The following DSCAM variants were observed in gnomAD, a reference collection of about 807,000 sequenced individuals.
DSCAM encodes the protein cell adhesion molecule DSCAM.
DSCAM carries 47 observed loss-of-function variants against 217.7 expected under a neutral mutation model. The ratio of observed to expected loss-of-function variants is 0.22; its 90% CI spans 0.17 to 0.28. The LOEUF is 0.28. Among genes scored for constraint, DSCAM ranks in the 10% least tolerant of loss-of-function variants. The pLI is 1.00. For synonymous variants in DSCAM, 1,056 were observed against 1,015.3 expected (o/e 1.04, Z -0.76); for missense variants, 2,080 against 2,618.3 (o/e 0.79, Z 4.49).
At chr21:40,321,864 C>A (rs962812509) in intron 8 of DSCAM, among the ~76,000 whole-genome samples, 1 of 152,104 alleles carries the variant, frequency 6.6e-6, no homozygotes, top group African/African-American at 2.4e-5. Flanking sequence ...CCACCTCTGT[C>A]CCCACACCCT....
intron 15 of DSCAM, among the ~76,000 whole-genome samples, chr21:40,170,930 C>T (rs887051074): frequency 6.6e-6 from 1 of 152,094 alleles, no homozygotes; most frequent in Non-Finnish European, 1.5e-5. Context: ...AGAGTTGCAA[C>T]CTTGATTTTC....
intron 1 of DSCAM, among the ~76,000 whole-genome samples, chr21:40,802,153 G>A (rs930238472): frequency 6.6e-6 from 1 of 152,034 alleles, no homozygotes; most frequent in African/African-American, 2.4e-5. Flanking sequence ...GGCCTTGGGG[G>A]CCCAACTCCC....
In DSCAM at chr21:40,298,809, C is replaced by G. The variant is rs565562255; in HGVS notation, c.2063-2635G>C. Reference sequence around the variant, plus strand: ...CAGGGTAGAAAATCTCTTGCATTCCCTCTGGAAGCATGTCTAATCATAATT... The same window carrying G: ...CAGGGTAGAAAATCTCTTGCATTCCGTCTGGAAGCATGTCTAATCATAATT... On this transcript the variant is annotated intron_variant, in intron 9 of 32. Transcript: ENST00000400454. 2.3e-4 allele frequency among the ~76,000 whole-genome samples: 35 copies of G among 152,264 alleles called. No individual in the cohort carries two copies. The South Asian group carries it at 7.3e-3, about 32-fold the overall frequency.
intron 1 of DSCAM, among the ~76,000 whole-genome samples, chr21:40,748,908 A>G (rs1183276301): frequency 6.6e-6 from 1 of 152,170 alleles, no homozygotes; most frequent in African/African-American, 2.4e-5. Context: ...GACAAAATAC[A>G]GAACCTAGAA....
chr21:40,760,762 C>T (rs998062541), intron 1 of DSCAM, among the ~76,000 whole-genome samples: 1 of 152,162 alleles, frequency 6.6e-6, no homozygotes, highest in Non-Finnish European at 1.5e-5. Context: ...TATTCTCATG[C>T]CATATCTCTG....
intron 10 of DSCAM, among the ~76,000 whole-genome samples, chr21:40,291,907 G>A (rs1000254552): frequency 6.6e-6 from 1 of 152,118 alleles, no homozygotes; most frequent in Non-Finnish European, 1.5e-5. Context: ...CTATTCTCTC[G>A]CATTTGCAGT....
intron 6 of DSCAM, among the ~76,000 whole-genome samples, chr21:40,343,545 T>G (rs1334223508): frequency 6.6e-6 from 1 of 152,202 alleles, no homozygotes; most frequent in African/African-American, 2.4e-5. Context: ...AGATAATCAA[T>G]TGGATTTGCT....
chr21:40,768,998 A>T (rs752502286), intron 1 of DSCAM, among the ~76,000 whole-genome samples: 7 of 152,200 alleles, frequency 4.6e-5, no homozygotes, highest in Admixed American at 2.0e-4. Context: ...TGTCAGGGTG[A>T]AGTAGTATGG....
rs546765340 is a variant in DSCAM, at chr21:40,698,173, C to T, written c.362-5217G>A. Among the ~76,000 whole-genome samples the T allele has an allele frequency of 3.9e-5, 6 of 152,288 alleles. 1 individual carries two copies. The highest frequency in any genetic ancestry group is 3.4e-3 in the Middle Eastern group (1 of 294). Reference sequence around the variant, plus strand: ...CTTATTTATTGAGCAAGAGATCACACGGTTGGTCTACATTGACAGCAGCGA... The same window carrying T: ...CTTATTTATTGAGCAAGAGATCACATGGTTGGTCTACATTGACAGCAGCGA... On this transcript the variant is annotated intron_variant, in intron 2 of 32. Coordinates refer to ENST00000400454, the MANE Select transcript of DSCAM (RefSeq NM_001389.5).
chr21:40,456,166 G>A (rs1160670297), intron 3 of DSCAM, among the ~76,000 whole-genome samples: 1 of 151,694 alleles, frequency 6.6e-6, no homozygotes, highest in Non-Finnish European at 1.5e-5. Flanking sequence ...TTGCAAGAAG[G>A]CTTGAATATG....
intron 8 of DSCAM, among the ~76,000 whole-genome samples, chr21:40,315,278 C>T (rs906580178): frequency 2.0e-5 from 3 of 151,766 alleles, no homozygotes; most frequent in African/African-American, 7.3e-5. Context: ...GTGGCGTGCA[C>T]CTATAGTCCC....
chr21:40,182,735 C>T (rs112567751), intron 14 of DSCAM, among the ~76,000 whole-genome samples: 62 of 5,750 alleles, frequency 0.011, 6 homozygotes, highest in South Asian at 0.019. Context: ...GACGGGGGGG[C>T]TACCAGAGAA....
At chr21:40,047,625 T>C (rs2837388) in intron 30 of DSCAM, among the ~76,000 whole-genome samples, 43,017 of 152,144 alleles carry the variant, frequency 0.28, 6,338 homozygotes, top group African/African-American at 0.32. Context: ...ACTGTGATCA[T>C]GGTATTAATC....
intron 3 of DSCAM, among the ~76,000 whole-genome samples, chr21:40,650,641 C>T (rs552439704): frequency 3.3e-5 from 5 of 152,262 alleles, no homozygotes; most frequent in Admixed American, 6.5e-5. Flanking sequence ...GGAGGCTGGG[C>T]ACTGTGGCTC....
intron 3 of DSCAM, among the ~76,000 whole-genome samples, chr21:40,489,290 C>A (rs1288451209): frequency 6.6e-6 from 1 of 152,126 alleles, no homozygotes; most frequent in Non-Finnish European, 1.5e-5. Context: ...CTCCCTCAAG[C>A]AAAATAATTC....
intron 9 of DSCAM, among the ~76,000 whole-genome samples, chr21:40,303,948 G>A (rs1169668021): frequency 6.6e-6 from 1 of 152,170 alleles, no homozygotes; most frequent in African/African-American, 2.4e-5. Context: ...GTGCTTTCCT[G>A]TGAGTGGTCT....
chr21:40,686,349 CCA>C (rs941990592), intron 3 of DSCAM, among the ~76,000 whole-genome samples: 1 of 149,676 alleles, frequency 6.7e-6, no homozygotes, highest in Non-Finnish European at 1.5e-5. Flanking sequence ...ACCCCACATG[CCA>C]CACACACACC....
intron 1 of DSCAM, among the ~76,000 whole-genome samples, chr21:40,813,789 G>T (rs1313090357): frequency 6.6e-6 from 1 of 151,642 alleles, no homozygotes; most frequent in Non-Finnish European, 1.5e-5. Context: ...TGGGATTACA[G>T]GTTCCCGCCA....
chr21:40,319,429 G>A lies in DSCAM; in HGVS notation c.1784-7070C>T, dbSNP rs567369308. Among the ~76,000 whole-genome samples the A allele has an allele frequency of 4.6e-5, 7 of 151,930 alleles. No homozygotes were observed. In the South Asian group the frequency reaches 8.3e-4, roughly 18 times the overall value. ...AAACAAGAAAGGCTAAATAATGTTC[G>A]TGTGTGCATGTGTGTGTGTGTGTAT... is the stretch of plus-strand genomic sequence containing the variant. On this transcript the variant is annotated intron_variant, in intron 8 of 32. Transcript: ENST00000400454.
Sources: gnomAD v4.1 joint callset for allele counts (sites outside exome capture counted in the v4.1 genomes callset) on GRCh38, gnomAD v4.1.1 for gene constraint, MANE v1.5 for transcripts, NCBI Gene and HGNC (gene_info 2026-07-23, HGNC 2026-07-21) for gene names.